The following JARID2 variants were observed in gnomAD, a reference collection of about 807,000 sequenced individuals.
JARID2 encodes jumonji and AT-rich interaction domain containing 2, also known as protein Jumonji.
In JARID2, 21 loss-of-function variants were observed where a neutral mutation model predicts 125.6. The ratio of observed to expected loss-of-function variants is 0.17; its 90% CI spans 0.12 to 0.24. JARID2 has a LOEUF of 0.24. JARID2 is among the 10% of genes least tolerant of loss of function. JARID2 has a pLI of 1.00. For synonymous variants in JARID2, 736 were observed against 661.6 expected (o/e 1.11, Z -1.73); for missense variants, 1,303 against 1,639.6 (o/e 0.79, Z 3.55).
intron 16 of JARID2, 49 bp downstream of exon 16, chr6:15,513,471 G>A (rs894058783): frequency 1.2e-5 from 19 of 1,527,732 alleles, no homozygotes; most frequent in Middle Eastern, 1.7e-4. Flanking sequence ...TGCTTGGCCT[G>A]AGAGCTCCGG....
intron 1 of JARID2, among the ~76,000 whole-genome samples, chr6:15,312,336 A>C (rs1762043113): frequency 6.6e-6 from 1 of 152,218 alleles, no homozygotes; most frequent in Admixed American, 6.5e-5. Context: ...TACAGGCGTG[A>C]GCCACCATGC....
chr6:15,410,184 G>A, intron 2 of JARID2, 40 bp from the exon 3 acceptor site: 2 of 1,596,590 alleles, frequency 1.3e-6, no homozygotes, highest in South Asian at 1.1e-5. Context: ...GCCTCCTGAT[G>A]TGATGTATTT....
chr6:15,445,825 T>C (rs1327734449), intron 3 of JARID2, among the ~76,000 whole-genome samples: 1 of 152,216 alleles, frequency 6.6e-6, no homozygotes, highest in African/African-American at 2.4e-5. Flanking sequence ...AGTGGCATGG[T>C]AAATTCTTAA....
chr6:15,500,845 G>T, intron 7 of JARID2, 62 bp from the exon 8 acceptor site: 2 of 1,432,152 alleles, frequency 1.4e-6, no homozygotes, highest in South Asian at 2.6e-5. Context: ...GGTTGAATGA[G>T]GAACATCTTG....
intron 3 of JARID2, among the ~76,000 whole-genome samples, chr6:15,419,204 T>C (rs1766374884): frequency 6.6e-6 from 1 of 152,210 alleles, no homozygotes; most frequent in African/African-American, 2.4e-5. Context: ...ACTGATCAGG[T>C]TATTTGGAGT....
chr6:15,342,878 T>C (rs3857641), intron 1 of JARID2, among the ~76,000 whole-genome samples: 1 of 152,158 alleles, frequency 6.6e-6, no homozygotes, highest in Non-Finnish European at 1.5e-5. Context: ...GGTGCTTTGA[T>C]TGAAGACGCC....
intron 1 of JARID2, among the ~76,000 whole-genome samples, chr6:15,253,936 C>G (rs1377947186): frequency 6.6e-6 from 1 of 152,110 alleles, no homozygotes; most frequent in African/African-American, 2.4e-5. Flanking sequence ...TTTGCTCCCC[C>G]CTTTTGAGTT....
chr6:15,520,465 G>C lies in JARID2; in HGVS notation c.*214G>C. On this transcript the variant is annotated 3_prime_UTR_variant, in exon 18 of 18. Transcript: ENST00000341776. Reference sequence around the variant, plus strand: ...ATACTGCAGTCAGATTTTGGAAACTGCCGTATAGTCACTGTTTTAAAAACC... The same window carrying C: ...ATACTGCAGTCAGATTTTGGAAACTCCCGTATAGTCACTGTTTTAAAAACC... 1 of 458,192 alleles carries C rather than the reference G, an allele frequency of 2.2e-6. No homozygotes were observed. 28.4% of individuals were successfully genotyped at this position (458,192 alleles called of 1,614,324 possible). A position where few individuals can be genotyped will look rare whatever the true frequency, so the allele number is the denominator to read the frequency against.
intron 1 of JARID2, among the ~76,000 whole-genome samples, chr6:15,314,528 C>T (rs1267461149): frequency 2.6e-5 from 4 of 152,154 alleles, no homozygotes; most frequent in Non-Finnish European, 5.9e-5. Flanking sequence ...TTCTTATAGG[C>T]AGGGCTTAGT....
At position 15,355,505 on chromosome 6, in the gene JARID2, A is replaced by G. The variant is rs189935051; in HGVS notation, c.46-18612A>G. ...GTACAATTTGATTTTAGGTTAGTTG[A>G]TTTATTTTTGCTTATGTAAAAAATC... is the stretch of plus-strand genomic sequence containing the variant. On this transcript the variant is annotated intron_variant, in intron 1 of 17. Transcript: ENST00000341776. Among the ~76,000 whole-genome samples, 5 of 152,192 alleles carry G rather than the reference A, an allele frequency of 3.3e-5. No individual in the cohort carries two copies. In the East Asian group the frequency reaches 9.7e-4, roughly 29 times the overall value.
chr6:15,491,543 T>G (rs961354278), intron 6 of JARID2, among the ~76,000 whole-genome samples: 1 of 152,260 alleles, frequency 6.6e-6, no homozygotes, highest in African/African-American at 2.4e-5. Context: ...TTTGAAAGGC[T>G]GGCAGAGGCC....
rs991367876 is a variant in JARID2, at chr6:15,321,581, C to G, written c.46-52536C>G. 4.6e-5 allele frequency among the ~76,000 whole-genome samples: 7 copies of G among 152,218 alleles called. No homozygotes were observed. In the East Asian group the frequency reaches 9.7e-4, roughly 21 times the overall value. ...GACTGACTGTCAGGGGGTTTATCTACTTCGTAACTTGTCATTAGAAAACAT... is the reference window on the plus strand; with the variant it reads ...GACTGACTGTCAGGGGGTTTATCTAGTTCGTAACTTGTCATTAGAAAACAT... On this transcript the variant is annotated intron_variant, in intron 1 of 17. Transcript: ENST00000341776.
In JARID2 at chr6:15,501,218, C is replaced by T. The variant is rs148788707; in HGVS notation, c.2257C>T (p.Arg753Cys). 260 of 1,613,718 alleles carry T rather than the reference C, an allele frequency of 1.6e-4. 1 individual carries two copies. Among genetic ancestry groups the T allele is most frequent in the Admixed American group, 1.8e-4 (11 of 60,006 alleles). Residue 753 changes from arginine (R) to cysteine (C), a missense_variant, in exon 8 of 18, where the codon CGC becomes TGC. Coordinates refer to ENST00000341776, the MANE Select transcript of JARID2 (RefSeq NM_004973.4). ...CCACCACAAGTTCCACCCTCTGCCC[C>T]GCTTCGAGCCCAAGAATGGGCTCAT... is the stretch of plus-strand genomic sequence containing the variant. ...NDHHKFHPLP[R>C]FEPKNGLIHG...
intron 1 of JARID2, among the ~76,000 whole-genome samples, chr6:15,354,624 A>G (rs537295197): frequency 1.3e-5 from 2 of 152,302 alleles, no homozygotes; most frequent in African/African-American, 4.8e-5. Flanking sequence ...GCATGTACTT[A>G]ACATTCCCCA....
chr6:15,417,480 A>G (rs1410763413), intron 3 of JARID2, among the ~76,000 whole-genome samples: 1 of 152,218 alleles, frequency 6.6e-6, no homozygotes, highest in Non-Finnish European at 1.5e-5. Context: ...GCTCACACCT[A>G]TAACCCCAGC....
intron 1 of JARID2, among the ~76,000 whole-genome samples, chr6:15,316,102 CAT>C (rs754935538): frequency 2.2e-4 from 34 of 152,008 alleles, no homozygotes; most frequent in Middle Eastern, 3.4e-3. Context: ...GGCTTGAAAA[CAT>C]GTGTGAAATA....
At chr6:15,285,967 C>G (rs1426125572) in intron 1 of JARID2, among the ~76,000 whole-genome samples, 1 of 152,198 alleles carries the variant, frequency 6.6e-6, no homozygotes, top group Non-Finnish European at 1.5e-5. Context: ...TGATGTATAA[C>G]TATGAGCAGT....
At chr6:15,268,428 C>G (rs1302787372) in intron 1 of JARID2, among the ~76,000 whole-genome samples, 1 of 152,128 alleles carries the variant, frequency 6.6e-6, no homozygotes, top group Non-Finnish European at 1.5e-5. Flanking sequence ...TTCCATTATC[C>G]AGTTATGGCA....
At chr6:15,262,533 A>ATTTTTTTTT (rs35864895) in intron 1 of JARID2, among the ~76,000 whole-genome samples, 1 of 116,468 alleles carries the variant, frequency 8.6e-6, no homozygotes, top group African/African-American at 3.3e-5. Context: ...TGGTTTGGCT[A>ATTTTTTTTT]TTTTTTTTTT....
Sources: gnomAD v4.1 joint callset for allele counts (sites outside exome capture counted in the v4.1 genomes callset) on GRCh38, gnomAD v4.1.1 for gene constraint, MANE v1.5 for transcripts, NCBI Gene and HGNC (gene_info 2026-07-23, HGNC 2026-07-21) for gene names.